Variants in ATRNL1 observed in about 807,000 individuals in gnomAD.
ATRNL1 encodes attractin like 1.
Under a neutral mutation model 182.7 loss-of-function variants are expected in ATRNL1, and 95 were observed. The observed-to-expected ratio is 0.52, with a 90% CI of 0.44 to 0.62. ATRNL1 has a LOEUF of 0.62. ATRNL1 is among the 20% of genes least tolerant of loss of function. The probability of loss-of-function intolerance (pLI) is 0.00; values close to 1 mark genes in which losing one functional copy is unlikely to be tolerated. For missense variants in ATRNL1, 1,471 were observed against 1,679.5 expected (o/e 0.88, Z 2.17); for synonymous variants, 576 against 568.3 (o/e 1.01, Z -0.19).
chr10:115,838,069 A>G (rs1175036042), intron 27 of ATRNL1, among the ~76,000 whole-genome samples: 1 of 152,174 alleles, frequency 6.6e-6, no homozygotes, highest in Admixed American at 6.5e-5. Flanking sequence ...TTGGCATTAT[A>G]ATCTCTATTT....
At chr10:115,207,247 C>T (rs797025797) in intron 8 of ATRNL1, among the ~76,000 whole-genome samples, 10 of 152,220 alleles carry the variant, frequency 6.6e-5, no homozygotes, top group African/African-American at 2.4e-4. Context: ...AGTTCTAGAT[C>T]CTTGAGGAAT....
chr10:115,291,365 A>G (rs1318476570), intron 15 of ATRNL1, among the ~76,000 whole-genome samples: 1 of 152,156 alleles, frequency 6.6e-6, no homozygotes, highest in African/African-American at 2.4e-5. Context: ...AATTGTGGTG[A>G]GAATGGGTAT....
At chr10:115,692,205 A>G (rs1293537381) in intron 26 of ATRNL1, among the ~76,000 whole-genome samples, 18 of 152,224 alleles carry the variant, frequency 1.2e-4, no homozygotes, top group Admixed American at 9.8e-4. Flanking sequence ...AATTTTGGCT[A>G]TTAAACAACT....
chr10:115,581,105 T>C (rs896505763), intron 26 of ATRNL1, among the ~76,000 whole-genome samples: 8 of 152,184 alleles, frequency 5.3e-5, no homozygotes, highest in African/African-American at 1.7e-4. Flanking sequence ...ATTGACACTC[T>C]GTGTTGGTTT....
intron 26 of ATRNL1, among the ~76,000 whole-genome samples, chr10:115,673,852 C>G (rs79520668): frequency 0.065 from 9,940 of 152,040 alleles, 995 homozygotes; most frequent in African/African-American, 0.22. Context: ...AAGGCTAGAT[C>G]AGAAGACGTG....
chr10:115,751,461 G>A (rs1948446857), intron 27 of ATRNL1, among the ~76,000 whole-genome samples: 2 of 152,020 alleles, frequency 1.3e-5, no homozygotes, highest in African/African-American at 4.8e-5. Flanking sequence ...GAGAAAACAG[G>A]CACTTTCATT....
chr10:115,892,358 A>G (rs782753554), intron 28 of ATRNL1, among the ~76,000 whole-genome samples: 1 of 152,202 alleles, frequency 6.6e-6, no homozygotes, highest in Non-Finnish European at 1.5e-5. Flanking sequence ...AAAGTGTAAT[A>G]TAAAAACAAT....
At chr10:115,638,665 T>G (rs1859045105) in intron 26 of ATRNL1, among the ~76,000 whole-genome samples, 1 of 152,146 alleles carries the variant, frequency 6.6e-6, no homozygotes. Flanking sequence ...TAAAAACCGC[T>G]CTTTGGACAT....
At chr10:115,309,827 T>G (rs539953551) in intron 17 of ATRNL1, among the ~76,000 whole-genome samples, 22 of 152,140 alleles carry the variant, frequency 1.4e-4, no homozygotes, top group Admixed American at 2.6e-4. Context: ...TGTTTCCTAT[T>G]TGGATGCCCT....
At chr10:115,463,565 C>G (rs1847915242) in intron 22 of ATRNL1, among the ~76,000 whole-genome samples, 3 of 151,980 alleles carry the variant, frequency 2.0e-5, no homozygotes, top group Admixed American at 2.0e-4. Context: ...AATTCAATGG[C>G]ATTAAGTATA....
At chr10:115,360,099 A>G (rs1023471735) in intron 19 of ATRNL1, among the ~76,000 whole-genome samples, 15 of 151,780 alleles carry the variant, frequency 9.9e-5, no homozygotes, top group African/African-American at 3.4e-4. Context: ...TTCTTGACAA[A>G]TGGAATAATC....
At chr10:115,432,831 A>C (rs1324271316) in intron 21 of ATRNL1, among the ~76,000 whole-genome samples, 1 of 152,016 alleles carries the variant, frequency 6.6e-6, no homozygotes, top group Non-Finnish European at 1.5e-5. Context: ...TTTTTTCTTA[A>C]ATGCTTTCTT....
intron 8 of ATRNL1, among the ~76,000 whole-genome samples, chr10:115,189,451 C>T (rs1023630498): frequency 5.3e-5 from 8 of 151,978 alleles, no homozygotes; most frequent in African/African-American, 1.7e-4. Flanking sequence ...GAAGACCTTC[C>T]AGTGGGACAA....
chr10:115,218,052 G>C (rs188378694), intron 9 of ATRNL1, among the ~76,000 whole-genome samples: 1 of 151,840 alleles, frequency 6.6e-6, no homozygotes, highest in African/African-American at 2.4e-5. Context: ...TGATTGAAGT[G>C]CATTATATTT....
intron 25 of ATRNL1, among the ~76,000 whole-genome samples, chr10:115,522,599 GTTC>G (rs1851001613): frequency 6.6e-6 from 1 of 152,118 alleles, no homozygotes; most frequent in African/African-American, 2.4e-5. Flanking sequence ...AATCCCTGGT[GTTC>G]TTCTCACATA....
chr10:115,591,595 G>A (rs188381481), intron 26 of ATRNL1, among the ~76,000 whole-genome samples: 4 of 152,242 alleles, frequency 2.6e-5, no homozygotes, highest in African/African-American at 7.2e-5. Flanking sequence ...TTTTTGTTCA[G>A]GAAGCTCTGA....
chr10:115,479,802 A>C (rs1367004314), intron 24 of ATRNL1, among the ~76,000 whole-genome samples: 9 of 151,372 alleles, frequency 5.9e-5, no homozygotes, highest in African/African-American at 2.2e-4. Flanking sequence ...AAATAGAAAA[A>C]AGTACTACTG....
intron 26 of ATRNL1, among the ~76,000 whole-genome samples, chr10:115,630,642 A>C (rs1422744069): frequency 6.7e-6 from 1 of 149,868 alleles, no homozygotes; most frequent in Non-Finnish European, 1.5e-5. Context: ...AATAAGATTT[A>C]TGTATATTTA....
At chr10:115,392,320 C>G (rs1844070017) in intron 19 of ATRNL1, among the ~76,000 whole-genome samples, 2 of 151,804 alleles carry the variant, frequency 1.3e-5, no homozygotes, top group Non-Finnish European at 2.9e-5. Flanking sequence ...TGTCACTGAC[C>G]CTTTAAAATA....
Sources: gnomAD v4.1 joint callset for allele counts (sites outside exome capture counted in the v4.1 genomes callset) on GRCh38, gnomAD v4.1.1 for gene constraint, MANE v1.5 for transcripts, NCBI Gene and HGNC (gene_info 2026-07-23, HGNC 2026-07-21) for gene names.